Variants in MEF2A observed in about 807,000 individuals in gnomAD.
MEF2A encodes myocyte-specific enhancer factor 2A.
Under a neutral mutation model 55.8 loss-of-function variants are expected in MEF2A, and 28 were observed. The ratio of observed to expected loss-of-function variants is 0.50; its 90% CI spans 0.37 to 0.69. The LOEUF (loss-of-function observed/expected upper bound fraction) is 0.69. Among genes scored for constraint, MEF2A ranks in the 30% least tolerant of loss-of-function variants. The pLI, the probability that MEF2A is intolerant of heterozygous loss-of-function variation, is 0.00. For synonymous variants in MEF2A, 239 were observed against 227.1 expected (o/e 1.05, Z -0.47); for missense variants, 528 against 626.2 (o/e 0.84, Z 1.67).
chr15:99,658,002 CAG>C (rs2048021458), intron 4 of MEF2A, among the ~76,000 whole-genome samples: 1 of 152,060 alleles, frequency 6.6e-6, no homozygotes, highest in African/African-American at 2.4e-5. Flanking sequence ...TTCTGTGTAT[CAG>C]AAATCTCTTT....
intron 1 of MEF2A, among the ~76,000 whole-genome samples, chr15:99,587,723 C>T (rs1040520741): frequency 6.6e-6 from 1 of 152,142 alleles, no homozygotes; most frequent in Non-Finnish European, 1.5e-5. Flanking sequence ...TTTTACAAAA[C>T]TTAATTTTAC....
At chr15:99,568,644 G>A (rs1960783520) in intron 1 of MEF2A, among the ~76,000 whole-genome samples, 1 of 152,168 alleles carries the variant, frequency 6.6e-6, no homozygotes, top group Admixed American at 6.5e-5. Flanking sequence ...GGAGGAAGAA[G>A]CCATGAACAA....
chr15:99,567,936 G>A (rs1178647519), intron 1 of MEF2A, among the ~76,000 whole-genome samples: 1 of 152,134 alleles, frequency 6.6e-6, no homozygotes, highest in African/African-American at 2.4e-5. Flanking sequence ...ACTCTGAAGA[G>A]CTAAAACTGG....
At chr15:99,676,182 C>T (rs1455282430) in intron 7 of MEF2A, among the ~76,000 whole-genome samples, 1 of 152,014 alleles carries the variant, frequency 6.6e-6, no homozygotes, top group East Asian at 1.9e-4. Context: ...ATTATATCTG[C>T]CACAGTATTA....
intron 1 of MEF2A, among the ~76,000 whole-genome samples, chr15:99,577,722 G>A (rs560732461): frequency 6.6e-6 from 1 of 152,056 alleles, no homozygotes; most frequent in African/African-American, 2.4e-5. Context: ...ATCCCACATT[G>A]CATTTATTTG....
intron 2 of MEF2A, among the ~76,000 whole-genome samples, chr15:99,615,083 G>C (rs1292134725): frequency 1.3e-5 from 2 of 152,198 alleles, no homozygotes; most frequent in Non-Finnish European, 2.9e-5. Context: ...AGACCAGTTA[G>C]GGGGCTGTTG....
intron 4 of MEF2A, among the ~76,000 whole-genome samples, chr15:99,666,253 A>G (rs1198537826): frequency 6.6e-6 from 1 of 152,176 alleles, no homozygotes; most frequent in East Asian, 1.9e-4. Flanking sequence ...AATACTATGC[A>G]GCCATAAAAA....
intron 2 of MEF2A, among the ~76,000 whole-genome samples, chr15:99,628,504 G>T (rs1050265078): frequency 6.6e-6 from 1 of 151,652 alleles, no homozygotes; most frequent in African/African-American, 2.4e-5. Context: ...TTCCTTTCTT[G>T]CCTTCTTTTG....
At chr15:99,600,091 G>GT (rs1972477185) in intron 2 of MEF2A, among the ~76,000 whole-genome samples, 1 of 152,094 alleles carries the variant, frequency 6.6e-6, no homozygotes, top group Non-Finnish European at 1.5e-5. Context: ...TCACCTGTTT[G>GT]TTTTGTTCAT....
intron 1 of MEF2A, among the ~76,000 whole-genome samples, chr15:99,596,669 C>T (rs947944751): frequency 6.6e-6 from 1 of 152,132 alleles, no homozygotes; most frequent in Non-Finnish European, 1.5e-5. Flanking sequence ...TCATGCAATT[C>T]TAAATTATTG....
rs138696343 is a variant in MEF2A, at chr15:99,626,680, G to A, written c.-142-6298G>A. On this transcript the variant is annotated intron_variant, in intron 2 of 11. Transcript: ENST00000557942. ...ATCAATTTCCACATACAATAAGAGA[G>A]AACCCGCTGATATGTTGATAGGGTT... 1.8e-4 allele frequency among the ~76,000 whole-genome samples: 27 copies of A among 152,268 alleles called. No individual in the cohort carries two copies. The East Asian group carries it at 5.0e-3, about 28-fold the overall frequency.
At chr15:99,588,324 G>C (rs1460087277) in intron 1 of MEF2A, among the ~76,000 whole-genome samples, 1 of 151,404 alleles carries the variant, frequency 6.6e-6, no homozygotes, top group Non-Finnish European at 1.5e-5. Context: ...CTTTTTTTGA[G>C]AAGGAGTCTC....
Position 99,633,842 on chromosome 15 carries a change from A to G in MEF2A, c.54+669A>G, listed in dbSNP as rs181679207. On this transcript the variant is annotated intron_variant, in intron 3 of 11. Coordinates refer to ENST00000557942, the MANE Select transcript of MEF2A (RefSeq NM_001319206.4). ...GGGCTGGCCATCTGTTATTGTAAAT[A>G]AAGTTTTATTAGAGCACTGTCATGC... Among the ~76,000 whole-genome samples, 17 of 152,312 alleles carry G rather than the reference A, an allele frequency of 1.1e-4. No homozygotes were observed. The East Asian group carries it at 3.1e-3, about 28-fold the overall frequency.
At chr15:99,640,665 T>C (rs1051457700) in intron 3 of MEF2A, among the ~76,000 whole-genome samples, 3 of 151,120 alleles carry the variant, frequency 2.0e-5, no homozygotes, top group Middle Eastern at 3.2e-3. Context: ...CAAGCAATCC[T>C]CCTGCTTCAG....
chr15:99,602,702 G>A (rs112201352), intron 2 of MEF2A, among the ~76,000 whole-genome samples: 3 of 95,000 alleles, frequency 3.2e-5, no homozygotes, highest in African/African-American at 1.1e-4. Context: ...GTGTGTGTAG[G>A]GGTGGGGAGC....
At chr15:99,615,968 A>G (rs1409013319) in intron 2 of MEF2A, among the ~76,000 whole-genome samples, 1 of 152,198 alleles carries the variant, frequency 6.6e-6, no homozygotes. Context: ...TGGATTCAAA[A>G]TGGACTCTTC....
chr15:99,639,748 T>C (rs542661296), intron 3 of MEF2A, among the ~76,000 whole-genome samples: 2 of 152,326 alleles, frequency 1.3e-5, no homozygotes, highest in East Asian at 3.9e-4. Flanking sequence ...CTTGTCTGCC[T>C]TTCTTTTCTA....
chr15:99,649,003 G>A lies in MEF2A; in HGVS notation c.258+3239G>A, dbSNP rs538478812. 1.2e-3 allele frequency among the ~76,000 whole-genome samples: 179 copies of A among 152,030 alleles called. 1 individual carries two copies. Among genetic ancestry groups the A allele is most frequent in the Non-Finnish European group, 2.2e-3 (148 of 67,978 alleles). ...TTATTTTTCTGTGTTTCAATTTTAT[G>A]TATAAACTTAAATCCATCTATCTTT... On this transcript the variant is annotated intron_variant, in intron 4 of 11. Coordinates refer to ENST00000557942, the MANE Select transcript of MEF2A (RefSeq NM_001319206.4).
intron 1 of MEF2A, among the ~76,000 whole-genome samples, chr15:99,585,699 GCTTA>G (rs72010079): frequency 0.35 from 52,508 of 151,944 alleles, 10,640 homozygotes; most frequent in Middle Eastern, 0.48. Flanking sequence ...CACATTACAT[GCTTA>G]CTTAATTCTC....
Sources: allele counts gnomAD v4.1 joint callset (sites outside exome capture counted in the v4.1 genomes callset), GRCh38; gene constraint gnomAD v4.1.1; transcripts MANE v1.5; gene names NCBI Gene and HGNC (gene_info 2026-07-23, HGNC 2026-07-21).